The following RERGL variants were observed in gnomAD, a reference collection of about 807,000 sequenced individuals.
RERGL encodes the protein ras-related and estrogen-regulated growth inhibitor-like protein.
In RERGL, 22 loss-of-function variants were observed where a neutral mutation model predicts 24.7. That is an observed-to-expected ratio of 0.89 (90% CI 0.64 to 1.27). The LOEUF is 1.27. Ranked by LOEUF, RERGL falls within the 50% of genes most tolerant of loss-of-function variation. The pLI is 0.00. For synonymous variants in RERGL, 76 were observed against 82.6 expected, an observed-to-expected ratio of 0.92 and a Z score of 0.43; for missense variants, 259 against 235.3, an observed-to-expected ratio of 1.10 and a Z score of -0.66.
chr12:18,084,728 A>G, intron 3 of RERGL, 63 bp from the exon 4 acceptor site: 1 of 1,430,790 alleles, frequency 7.0e-7, no homozygotes, highest in Non-Finnish European at 9.4e-7. Context: ...TATACTTTAA[A>G]CAGTTAACTA....
In RERGL at chr12:18,089,044, C is replaced by A; in HGVS notation, c.53-88G>T. The A allele has an allele frequency of 2.5e-6, 3 of 1,204,462 alleles. No individual in the cohort carries two copies. The South Asian group carries it at 3.9e-5, about 16-fold the overall frequency. The allele number at this position is 1,204,462 out of a possible 1,614,324, so 74.6% of individuals were successfully genotyped here. On this transcript the variant is annotated intron_variant, in intron 1 of 4. Transcript: ENST00000538724. ...GTGCATAAGGCTTTAGTTCTTAAAC[C>A]AAAAATATTCAAGAATTAATAAAGA...
At chr12:18,082,522 C>A (rs1028885471) in intron 4 of RERGL, among the ~76,000 whole-genome samples, 5 of 152,150 alleles carry the variant, frequency 3.3e-5, no homozygotes, top group South Asian at 4.1e-4. Context: ...CCTCCTCACA[C>A]AGAATTCTCA....
chr12:18,084,404 C>A, intron 4 of RERGL, 113 bp downstream of exon 4: 1 of 957,398 alleles, frequency 1.0e-6, no homozygotes, highest in Non-Finnish European at 1.5e-6. Flanking sequence ...GTGAATTGTT[C>A]AGGGCTGTTA....
intron 2 of RERGL, among the ~76,000 whole-genome samples, chr12:18,087,866 T>C (rs1947234813): frequency 6.6e-6 from 1 of 152,126 alleles, no homozygotes; most frequent in South Asian, 2.1e-4. Flanking sequence ...GGAATTTTTC[T>C]TTTTACGTTT....
rs1242350435 is a variant in RERGL at position 18,081,141 on chromosome 12, G to C, written c.*50C>G. The stretch of plus-strand genomic sequence containing the variant: ...ACAAAGGTTAGTTTAATTATCATGT[G>C]AATGTTTGAAACTCTCTGATATAGG... On this transcript the variant is annotated 3_prime_UTR_variant, in exon 5 of 5. Coordinates refer to ENST00000538724, the MANE Select transcript of RERGL (RefSeq NM_001286201.2). 1.7e-5 allele frequency: 25 copies of C among 1,495,554 alleles called. No individual in the cohort carries two copies. Among genetic ancestry groups the C allele is most frequent in the Non-Finnish European group, 2.2e-5 (24 of 1,109,280 alleles). The allele number at this position is 1,495,554 out of a possible 1,614,324, so 92.6% of individuals were successfully genotyped here. A position where few individuals can be genotyped will look rare whatever the true frequency, so the allele number is the denominator to read the frequency against.
chr12:18,088,438 A>C (rs2136834359), intron 2 of RERGL, among the ~76,000 whole-genome samples: 1 of 152,190 alleles, frequency 6.6e-6, no homozygotes, highest in South Asian at 2.1e-4. Flanking sequence ...TAAATGACTT[A>C]GATAATGATA....
chr12:18,083,515 T>TA (rs1947191976), intron 4 of RERGL, among the ~76,000 whole-genome samples: 2 of 152,062 alleles, frequency 1.3e-5, no homozygotes, highest in Admixed American at 6.6e-5. Context: ...GGCACCTTAG[T>TA]AAAATCACAT....
intron 4 of RERGL, among the ~76,000 whole-genome samples, chr12:18,083,339 A>G (rs929151281): frequency 6.6e-6 from 1 of 152,096 alleles, no homozygotes; most frequent in Non-Finnish European, 1.5e-5. Flanking sequence ...TTATACTTTC[A>G]GTATGTTTTT....
At position 18,081,365 on chromosome 12, in the gene RERGL, T is replaced by C. The variant is rs181989886; in HGVS notation, c.441A>G (p.Gln147=). 3.1e-6 allele frequency: 5 copies of C among 1,614,132 alleles called. No individual in the cohort carries two copies. In the Admixed American group the frequency reaches 6.7e-5, roughly 22 times the overall value. The part of the protein sequence containing the change: ...GQKLALENRC[Q]FCELSAAEQS... ...GCTCTGCTGCAGACAGTTCACAGAATTGGCATCGGTTTTCCAGTGCCAGCT... is the reference window on the plus strand; with the variant it reads ...GCTCTGCTGCAGACAGTTCACAGAACTGGCATCGGTTTTCCAGTGCCAGCT... The change falls in exon 5 of 5, where the codon CAA becomes CAG. Residue 147 remains glutamine (Q), a synonymous_variant. Transcript: ENST00000538724.
chr12:18,086,809 A>T (rs1481874940), intron 2 of RERGL, among the ~76,000 whole-genome samples: 1 of 152,132 alleles, frequency 6.6e-6, no homozygotes, highest in African/African-American at 2.4e-5. Context: ...CTCCGGACAC[A>T]AATAACTTAC....
At chr12:18,089,259 A>C (rs376091946) in intron 1 of RERGL, 8 of 1,607,902 alleles carry the variant, frequency 5.0e-6, no homozygotes, top group Non-Finnish European at 6.8e-6. Context: ...TTCTCATTAT[A>C]TTTGAGATGC....
chr12:18,087,147 G>A (rs61915701), intron 2 of RERGL, among the ~76,000 whole-genome samples: 172 of 152,178 alleles, frequency 1.1e-3, no homozygotes, highest in Middle Eastern at 6.8e-3. Context: ...AGCCTCCTAA[G>A]TCATCTTTCT....
chr12:18,081,074 C>A lies in RERGL; in HGVS notation c.*117G>T. ...AGCTGTGGTTCATACTCAATCATTTCATATCTCCAAGAGAATTCTTTTTAC... is the reference window on the plus strand; with the variant it reads ...AGCTGTGGTTCATACTCAATCATTTAATATCTCCAAGAGAATTCTTTTTAC... On this transcript the variant is annotated 3_prime_UTR_variant, in exon 5 of 5. Coordinates refer to ENST00000538724, the MANE Select transcript of RERGL (RefSeq NM_001286201.2). 1.1e-6 allele frequency: 1 copy of A among 941,558 alleles called. No homozygotes were observed. The allele number at this position is 941,558 out of a possible 1,614,324, so 58.3% of individuals were successfully genotyped here. A position where few individuals can be genotyped will look rare whatever the true frequency, so the allele number is the denominator to read the frequency against.
rs540771122 is a variant in RERGL at position 18,086,647 on chromosome 12, C to A, written c.110-954G>T. Among the ~76,000 whole-genome samples, 3 of 152,192 alleles carry A rather than the reference C, an allele frequency of 2.0e-5. No homozygotes were observed. The East Asian group carries it at 5.8e-4, about 29-fold the overall frequency. Reference sequence around the variant, plus strand: ...TTTTTTGTTCACCTCTCCCCGCCCCCACTGACTTCTCACATTTCAAACATG... The same window carrying A: ...TTTTTTGTTCACCTCTCCCCGCCCCAACTGACTTCTCACATTTCAAACATG... On this transcript the variant is annotated intron_variant, in intron 2 of 4. Coordinates refer to ENST00000538724, the MANE Select transcript of RERGL (RefSeq NM_001286201.2).
chr12:18,081,119 A>G lies in RERGL; in HGVS notation c.*72T>C. 1 of 1,390,594 alleles carries G rather than the reference A, an allele frequency of 7.2e-7. No individual in the cohort carries two copies. Among genetic ancestry groups the G allele is most frequent in the Non-Finnish European group, 9.7e-7 (1 of 1,030,016 alleles). 86.1% of individuals were successfully genotyped at this position (1,390,594 alleles called of 1,614,324 possible). On this transcript the variant is annotated 3_prime_UTR_variant, in exon 5 of 5. Coordinates refer to ENST00000538724, the MANE Select transcript of RERGL (RefSeq NM_001286201.2). ...TTTTACCAAAAAAAAATTGCATACAAAGGTTAGTTTAATTATCATGTGAAT... is the reference window on the plus strand; with the variant it reads ...TTTTACCAAAAAAAAATTGCATACAGAGGTTAGTTTAATTATCATGTGAAT...
chr12:18,085,881 ACAGT>A (rs1947216078), intron 2 of RERGL, among the ~76,000 whole-genome samples, 188 bp from the exon 3 acceptor site: 1 of 106,712 alleles, frequency 9.4e-6, no homozygotes. Context: ...AGCCACAGCC[ACAGT>A]CTGTCTCTGT....
At chr12:18,081,520 T>C in intron 4 of RERGL, 47 bp from the exon 5 acceptor site, 2 of 771,544 alleles carry the variant, frequency 2.6e-6, no homozygotes, top group South Asian at 3.4e-5. Flanking sequence ...TTAACAACTC[T>C]TTTTTTTAAA....
At chr12:18,089,265 G>A in intron 1 of RERGL, 2 of 1,607,628 alleles carry the variant, frequency 1.2e-6, no homozygotes, top group Non-Finnish European at 1.7e-6. Context: ...TTATATTTGA[G>A]ATGCAAGAAG....
At chr12:18,089,967 G>C in intron 1 of RERGL, 122 bp downstream of exon 1, 1 of 654,954 alleles carries the variant, frequency 1.5e-6, no homozygotes, top group Non-Finnish European at 2.3e-6. Context: ...GTGAGATAAT[G>C]TTATTATAGA....
Sources: gnomAD v4.1 joint callset for allele counts (sites outside exome capture counted in the v4.1 genomes callset) on GRCh38, gnomAD v4.1.1 for gene constraint, MANE v1.5 for transcripts, NCBI Gene and HGNC (gene_info 2026-07-23, HGNC 2026-07-21) for gene names.